GNAS-AS1: variants seen among roughly 807,000 people sequenced by gnomAD.
GNAS-AS1 encodes the protein GNAS antisense RNA 1 (non-protein coding).
At chr20:58,823,666 G>A (rs975281115) in intron 4 of GNAS-AS1, among the ~76,000 whole-genome samples, 2 of 152,356 alleles carry the variant, frequency 1.3e-5, no homozygotes, top group South Asian at 2.1e-4. Context: ...GGCTCTGCAC[G>A]TTCCCAATGT....
chr20:58,844,586 C>T (rs187603075), intron 2 of GNAS-AS1, among the ~76,000 whole-genome samples: 3 of 152,204 alleles, frequency 2.0e-5, no homozygotes, highest in Admixed American at 1.3e-4. Context: ...AAAATGAGAT[C>T]GCTGAATGAG....
At chr20:58,835,098 G>A (rs1397889475) in intron 4 of GNAS-AS1, among the ~76,000 whole-genome samples, 3 of 151,966 alleles carry the variant, frequency 2.0e-5, no homozygotes, top group Non-Finnish European at 4.4e-5. Flanking sequence ...GAACAGGCGG[G>A]AGGGGCCAAT....
intron 2 of GNAS-AS1, among the ~76,000 whole-genome samples, chr20:58,843,594 T>C (rs901900227): frequency 6.6e-5 from 10 of 152,236 alleles, no homozygotes; most frequent in Admixed American, 2.6e-4. Flanking sequence ...GCAGATCTTA[T>C]GGTGAACCAC....
chr20:58,832,399 T>C (rs538493797), intron 4 of GNAS-AS1, among the ~76,000 whole-genome samples: 22 of 152,200 alleles, frequency 1.4e-4, no homozygotes, highest in Non-Finnish European at 2.9e-4. Context: ...AATTTATAAA[T>C]TGAACGCCAT....
chr20:58,848,432 A>G (rs1320128971), intron 2 of GNAS-AS1, among the ~76,000 whole-genome samples: 1 of 152,004 alleles, frequency 6.6e-6, no homozygotes, highest in Admixed American at 6.6e-5. Flanking sequence ...ACATTAATAG[A>G]CTTTCCTTCC....
At chr20:58,842,129 G>A in exon 4 of GNAS-AS1, 2 of 399,284 alleles carry the variant, frequency 5.0e-6, no homozygotes. Context: ...GTAACCTGGA[G>A]GGGAATCTGC....
chr20:58,838,225 C>T (rs932528454), intron 4 of GNAS-AS1, among the ~76,000 whole-genome samples: 3 of 152,192 alleles, frequency 2.0e-5, no homozygotes, highest in African/African-American at 4.8e-5. Flanking sequence ...ACTGAAGACA[C>T]GCACACCTCA....
intron 2 of GNAS-AS1, among the ~76,000 whole-genome samples, chr20:58,847,052 A>G (rs1336660772): frequency 6.6e-6 from 1 of 152,160 alleles, no homozygotes; most frequent in East Asian, 1.9e-4. Context: ...AGGAATCCAC[A>G]AATGTCTGGA....
At chr20:58,823,979 T>C in intron 4 of GNAS-AS1, 1 of 398,712 alleles carries the variant, frequency 2.5e-6, no homozygotes, top group East Asian at 3.6e-5. Context: ...TACACACCTA[T>C]GCAGCGAGGA....
intron 4 of GNAS-AS1, among the ~76,000 whole-genome samples, chr20:58,838,325 T>C (rs938729702): frequency 2.1e-4 from 32 of 152,086 alleles, no homozygotes; most frequent in African/African-American, 6.3e-4. Context: ...GCGGCACTAT[T>C]TACTCCAAAT....
At chr20:58,831,222 C>T (rs2085566839) in intron 4 of GNAS-AS1, among the ~76,000 whole-genome samples, 1 of 152,162 alleles carries the variant, frequency 6.6e-6, no homozygotes, top group South Asian at 2.1e-4. Flanking sequence ...AGATTTTAGA[C>T]CAAAATCTAC....
In GNAS-AS1 at chr20:58,840,895, C is replaced by T. The variant is rs1348969267; in HGVS notation, n.819+1042G>A. On this transcript the variant is annotated intron_variant and non_coding_transcript_variant, in intron 4 of 4. Transcript: ENST00000424094. This position sits in a 1 kb window ranked among gnomAD's most constrained non-coding sequence, Gnocchi z 6.0. ...TGTTTTCATGGATTCAGGTTAGTTG[C>T]CCACCGCTAAACTGGGGAGCCTGAG... The T allele has an allele frequency of 6.2e-7, 1 of 1,612,080 alleles. No homozygotes were observed. The highest frequency in any genetic ancestry group is 1.7e-5 in the Admixed American group (1 of 59,978).
At chr20:58,826,444 A>G (rs2085520947) in intron 4 of GNAS-AS1, among the ~76,000 whole-genome samples, 1 of 152,134 alleles carries the variant, frequency 6.6e-6, no homozygotes, top group Non-Finnish European at 1.5e-5. Context: ...TAACTCATCT[A>G]TGCCTACGAC....
rs2085742123 is a variant in GNAS-AS1 at position 58,841,834 on chromosome 20, G to A, written n.819+103C>T. The stretch of plus-strand genomic sequence containing the variant: ...GCAGGAGACGTCCTGGGCTGTTTGC[G>A]CAGGACCTCTGGAGGCCCTCGAGAT... On this transcript the variant is annotated intron_variant and non_coding_transcript_variant, in intron 4 of 4. Transcript: ENST00000424094. This position sits in a 1 kb window ranked among gnomAD's most constrained non-coding sequence, Gnocchi z 5.0. The A allele has an allele frequency of 4.1e-6, 5 of 1,230,932 alleles. No homozygotes were observed. The highest frequency in any genetic ancestry group is 4.0e-6 in the Non-Finnish European group (4 of 987,952). 76.3% of individuals were successfully genotyped at this position (1,230,932 alleles called of 1,614,324 possible). A position where few individuals can be genotyped will look rare whatever the true frequency, so the allele number is the denominator to read the frequency against.
intron 4 of GNAS-AS1, among the ~76,000 whole-genome samples, chr20:58,824,689 CT>C (rs1382123067): frequency 6.6e-6 from 1 of 152,190 alleles, no homozygotes; most frequent in African/African-American, 2.4e-5. Context: ...TCTCCCACTC[CT>C]TGTGGTCTCC....
In GNAS-AS1 at chr20:58,845,952, T is replaced by C. The variant is rs78422264; in HGVS notation, n.413+2927A>G. Among the ~76,000 whole-genome samples the C allele has an allele frequency of 9.1e-3, 1,390 of 152,342 alleles. 24 individuals carry two copies. Among genetic ancestry groups the C allele is most frequent in the African/African-American group, 0.032 (1,338 of 41,570 alleles). On this transcript the variant is annotated intron_variant and non_coding_transcript_variant, in intron 2 of 4. Coordinates refer to ENST00000424094, the Ensembl canonical transcript of GNAS-AS1. The stretch of plus-strand genomic sequence containing the variant: ...GCATAGCCTGTGTGTTTATTTTTTG[T>C]GTTTATTTTAGGGTAAGTATGTTAC...
intron 3 of GNAS-AS1, chr20:58,842,353 T>C (rs2085771938): frequency 7.5e-6 from 3 of 398,084 alleles, no homozygotes; most frequent in Non-Finnish European, 1.3e-5. Context: ...GGAGGAATAG[T>C]AAAGCGTTTT....
chr20:58,831,329 T>C (rs572411992), intron 4 of GNAS-AS1, among the ~76,000 whole-genome samples: 1 of 151,566 alleles, frequency 6.6e-6, no homozygotes, highest in East Asian at 1.9e-4. Flanking sequence ...TTTTGCTTTT[T>C]TTTAAAAAAA....
chr20:58,842,108 A>G (rs1448082866), exon 4 of GNAS-AS1: 12 of 400,368 alleles, frequency 3.0e-5, no homozygotes, highest in Non-Finnish European at 4.8e-5. Context: ...GGGTAGAGTT[A>G]AGTTTAATCT....
Sources: gnomAD v4.1 joint callset for allele counts (sites outside exome capture counted in the v4.1 genomes callset) on GRCh38, gnomAD v4.1.1 for gene constraint, Gnocchi (gnomAD v3.1) non-coding constraint, MANE v1.5 for transcripts, NCBI Gene and HGNC (gene_info 2026-07-23, HGNC 2026-07-21) for gene names.